METTL6: variants seen among roughly 807,000 people sequenced by gnomAD.
METTL6 encodes the protein tRNA N(3)-cytidine methyltransferase METTL6.
In METTL6, 22 loss-of-function variants were observed where a neutral mutation model predicts 26.4. The ratio of observed to expected loss-of-function variants is 0.83; its 90% CI spans 0.59 to 1.19. METTL6 has a LOEUF of 1.19. Ranked by LOEUF, METTL6 falls within the 50% of genes most tolerant of loss-of-function variation. The pLI is 0.00. For missense variants in METTL6, 304 were observed against 324.8 expected, an observed-to-expected ratio of 0.94 and a Z score of 0.49; for synonymous variants, 109 against 116.2, an observed-to-expected ratio of 0.94 and a Z score of 0.40.
intron 3 of METTL6, among the ~76,000 whole-genome samples, chr3:15,420,860 T>G (rs2061597311): frequency 1.3e-5 from 2 of 152,200 alleles, no homozygotes; most frequent in Admixed American, 1.3e-4. Flanking sequence ...ATCTATCCAC[T>G]GAGTTGACAG....
downstream of METTL6, among the ~76,000 whole-genome samples, chr3:15,405,907 G>A (rs1434606534): frequency 1.3e-5 from 2 of 152,114 alleles, no homozygotes; most frequent in African/African-American, 4.8e-5. Flanking sequence ...GAAGTTGGTA[G>A]TTTGTACTGG....
At chr3:15,402,750 G>A (rs1484070878) in intron 6 of METTL6, among the ~76,000 whole-genome samples, 45 of 127,676 alleles carry the variant, frequency 3.5e-4, no homozygotes, top group South Asian at 4.9e-4. Flanking sequence ...AAAAAAAAAA[G>A]AAAAAGAAAA....
chr3:15,424,468 T>C (rs2061676124), intron 3 of METTL6, among the ~76,000 whole-genome samples: 1 of 152,174 alleles, frequency 6.6e-6, no homozygotes, highest in Admixed American at 6.5e-5. Flanking sequence ...GGTTTCACCA[T>C]GTTGCCCAGG....
intron 3 of METTL6, among the ~76,000 whole-genome samples, chr3:15,419,195 AG>A (rs200257034): frequency 0.029 from 4,421 of 151,334 alleles, 84 homozygotes; most frequent in Non-Finnish European, 0.044. Flanking sequence ...TAAAAAAAAA[AG>A]AGATACTGTA....
In METTL6 at chr3:15,410,625, G is replaced by GT. The variant is rs564605456; in HGVS notation, c.*630dup. 8.3e-3 allele frequency among the ~76,000 whole-genome samples: 1,265 copies of GT among 152,184 alleles called. 8 individuals carry two copies. The highest frequency in any genetic ancestry group is 0.012 in the South Asian group (59 of 4,826). On this transcript the variant is annotated 3_prime_UTR_variant, in exon 6 of 6. Coordinates refer to ENST00000383790, the MANE Select transcript of METTL6 (RefSeq NM_152396.4). The stretch of plus-strand genomic sequence containing the variant: ...TAACCCTCAAAATATCTTAAGAAAA[G>GT]TAACTGACTGCAGTTGAAAACAGGT...
Position 15,411,315 on chromosome 3 carries a change from A to G in METTL6, c.796T>C (p.Phe266Leu), listed in dbSNP as rs200889538. 1.1e-4 allele frequency: 184 copies of G among 1,614,050 alleles called. No homozygotes were observed. Among genetic ancestry groups the G allele is most frequent in the Non-Finnish European group, 1.5e-4 (174 of 1,180,038 alleles). ...GATGGGTTCTTAGGAGGCTTTAGAAATTTGCTCTGAAGGAAAACTCTTGGC... is the reference window on the plus strand; with the variant it reads ...GATGGGTTCTTAGGAGGCTTTAGAAGTTTGCTCTGAAGGAAAACTCTTGGC... The part of the protein sequence containing the change: ...CVPRVFLQSK[F>L]LKPPKNPSPV... The change falls in exon 6 of 6, where the codon TTT becomes CTT. Residue 266 changes from phenylalanine (F) to leucine (L), a missense_variant. By Grantham distance (22) the Phe-to-Leu change is conservative. Coordinates refer to ENST00000383790, the MANE Select transcript of METTL6 (RefSeq NM_152396.4).
At chr3:15,422,877 C>A (rs1233275897) in intron 3 of METTL6, among the ~76,000 whole-genome samples, 2 of 152,094 alleles carry the variant, frequency 1.3e-5, no homozygotes, top group African/African-American at 4.8e-5. Flanking sequence ...ATATGCAAGA[C>A]ACAACATTAC....
At chr3:15,417,505 AAAGGAG>A (rs139319362) in intron 3 of METTL6, among the ~76,000 whole-genome samples, 3,267 of 151,640 alleles carry the variant, frequency 0.022, 98 homozygotes, top group African/African-American at 0.072. Flanking sequence ...GAAGAATAAT[AAAGGAG>A]AAGATACACT....
rs751245378 is a variant in METTL6, at chr3:15,415,521, C to T, written c.531+251G>A. On this transcript the variant is annotated intron_variant, in intron 4 of 5. Transcript: ENST00000383790. ...ACCTTATAGCAGGACTCCATGGATC[C>T]CAGGTAACTGCAAAATCATCCTTGT... 4 of 1,596,160 alleles carry T rather than the reference C, an allele frequency of 2.5e-6. No homozygotes were observed. The Admixed American group carries it at 6.7e-5, about 27-fold the overall frequency.
chr3:15,385,023 T>C (rs1342841367), intron 6 of METTL6, among the ~76,000 whole-genome samples: 1 of 152,176 alleles, frequency 6.6e-6, no homozygotes, highest in African/African-American at 2.4e-5. Context: ...ATTTATCAGG[T>C]CCAGAGAGAC....
In METTL6 at chr3:15,410,689, G is replaced by A. The variant is rs1405269071; in HGVS notation, c.*567C>T. ...GTAAGTGAAACCATGGATAAAGCGGGACTACTGTACATGCTCATTAAAAAA... is the reference window on the plus strand; with the variant it reads ...GTAAGTGAAACCATGGATAAAGCGGAACTACTGTACATGCTCATTAAAAAA... On this transcript the variant is annotated 3_prime_UTR_variant, in exon 6 of 6. Coordinates refer to ENST00000383790, the MANE Select transcript of METTL6 (RefSeq NM_152396.4). 1.3e-5 allele frequency among the ~76,000 whole-genome samples: 2 copies of A among 151,942 alleles called. No individual in the cohort carries two copies. The highest frequency in any genetic ancestry group is 2.9e-5 in the Non-Finnish European group (2 of 67,978).
At chr3:15,392,529 C>T (rs1305791676) in intron 6 of METTL6, among the ~76,000 whole-genome samples, 12 of 152,258 alleles carry the variant, frequency 7.9e-5, no homozygotes, top group East Asian at 1.9e-4. Flanking sequence ...TTTTGGCTTT[C>T]GTTGCCATTC....
At chr3:15,424,012 TC>T (rs772426842) in intron 3 of METTL6, among the ~76,000 whole-genome samples, 6 of 151,906 alleles carry the variant, frequency 3.9e-5, no homozygotes, top group Admixed American at 2.6e-4. Context: ...TTTGAGACCA[TC>T]CTGGGCAACA....
Position 15,424,872 on chromosome 3 carries a change from T to C in METTL6, c.360+83A>G. 3.8e-6 allele frequency: 6 copies of C among 1,584,598 alleles called. No homozygotes were observed. The South Asian group carries it at 4.5e-5, about 12-fold the overall frequency. On this transcript the variant is annotated intron_variant, in intron 3 of 5. Transcript: ENST00000383790. ...GGTTAGCTCCAGGGAAGACTAGAATTGGGCAAATGAATAAAAAAGGCAGAT... is the reference window on the plus strand; with the variant it reads ...GGTTAGCTCCAGGGAAGACTAGAATCGGGCAAATGAATAAAAAAGGCAGAT...
chr3:15,418,934 G>T (rs1349382326), intron 3 of METTL6, among the ~76,000 whole-genome samples: 1 of 152,136 alleles, frequency 6.6e-6, no homozygotes, highest in Non-Finnish European at 1.5e-5. Context: ...AAAAGGAAAA[G>T]ATTAATATTT....
chr3:15,389,026 A>T (rs1559477764), intron 6 of METTL6, among the ~76,000 whole-genome samples: 1 of 148,678 alleles, frequency 6.7e-6, no homozygotes, highest in African/African-American at 2.5e-5. Context: ...TGCCCAGCTA[A>T]TTTTTTTTTT....
rs962840147 is a variant in METTL6, at chr3:15,397,562, G to A, written c.*12-13375C>T. On this transcript the variant is annotated intron_variant, in intron 6 of 6. Coordinates refer to the METTL6 transcript ENST00000443029. ...TCAGTTGGAAATGCAGAAATCATTC[G>A]TCTTCTGTGTCGCTCACGCTGGGAG... 7.2e-5 allele frequency among the ~76,000 whole-genome samples: 11 copies of A among 152,228 alleles called. 1 individual carries two copies. In the East Asian group the frequency reaches 1.7e-3, roughly 24 times the overall value.
At chr3:15,391,073 C>G (rs1232636999) in intron 6 of METTL6, among the ~76,000 whole-genome samples, 1 of 152,248 alleles carries the variant, frequency 6.6e-6, no homozygotes, top group African/African-American at 2.4e-5. Flanking sequence ...GCCGCATCAT[C>G]TGAAGTTAGC....
chr3:15,420,564 T>G (rs369896007), intron 3 of METTL6, among the ~76,000 whole-genome samples: 8 of 152,314 alleles, frequency 5.3e-5, no homozygotes, highest in African/African-American at 1.9e-4. Context: ...TGCAAAGGGC[T>G]TTATACCAAT....
Sources: gnomAD v4.1 joint callset for allele counts (sites outside exome capture counted in the v4.1 genomes callset) on GRCh38, gnomAD v4.1.1 for gene constraint, MANE v1.5 for transcripts, NCBI Gene and HGNC (gene_info 2026-07-23, HGNC 2026-07-21) for gene names.